LIPC: variants seen among roughly 807,000 people sequenced by gnomAD.
LIPC encodes lipase C, hepatic type, also known as hepatic triacylglycerol lipase.
Under a neutral mutation model 50.7 loss-of-function variants are expected in LIPC, and 44 were observed. That is an observed-to-expected ratio of 0.87 (90% CI 0.68 to 1.11). LIPC has a LOEUF of 1.11. Among genes scored for constraint, LIPC ranks in the 50% most tolerant of loss-of-function variants. LIPC has a pLI of 0.00. For synonymous variants in LIPC, 271 were observed against 256.4 expected, an observed-to-expected ratio of 1.06 and a Z score of -0.54; for missense variants, 697 against 648.2, an observed-to-expected ratio of 1.08 and a Z score of -0.82.
intron 8 of LIPC, among the ~76,000 whole-genome samples, chr15:58,567,264 T>C (rs1304896454): frequency 8.2e-4 from 19 of 23,072 alleles, no homozygotes; most frequent in Non-Finnish European, 1.4e-3. Flanking sequence ...TATATATGTA[T>C]ATGTGTGTGT....
intron 1 of LIPC, among the ~76,000 whole-genome samples, chr15:58,440,912 G>A (rs1893485409): frequency 6.6e-6 from 1 of 152,136 alleles, no homozygotes; most frequent in South Asian, 2.1e-4. Context: ...CCCTGGATGG[G>A]GTACATAAAA....
chr15:58,563,676 C>T lies in LIPC; in HGVS notation c.1341C>T (p.Gly447=), dbSNP rs200353965. 167 of 1,613,820 alleles carry T rather than the reference C, an allele frequency of 1.0e-4. No individual in the cohort carries two copies. Among genetic ancestry groups the T allele is most frequent in the Middle Eastern group, 1.7e-4 (1 of 5,876 alleles). Residue 447 remains glycine, a synonymous_variant, in exon 8 of 9, where the codon GGC becomes GGT. Coordinates refer to ENST00000299022, the MANE Select transcript of LIPC (RefSeq NM_000236.3). ...GGAGCACAGGGCCGCGCCACTCAGGCCTCGTTCTGAAGACGATCAGAGTCA... is the reference window on the plus strand; with the variant it reads ...GGAGCACAGGGCCGCGCCACTCAGGTCTCGTTCTGAAGACGATCAGAGTCA... ...IPWSTGPRHS[G]LVLKTIRVKA...
chr15:58,536,180 G>A (rs146415016), intron 1 of LIPC, among the ~76,000 whole-genome samples: 2 of 152,214 alleles, frequency 1.3e-5, no homozygotes, highest in South Asian at 2.1e-4. Context: ...CCTGGAGGCT[G>A]TGAAGTCTCA....
chr15:58,563,983 C>G (rs1410857097), intron 8 of LIPC: 13 of 503,292 alleles, frequency 2.6e-5, no homozygotes, highest in African/African-American at 7.7e-5. Context: ...GCCTCTGGAG[C>G]CTGAGGACCA....
chr15:58,536,562 A>T (rs536186743), intron 1 of LIPC, among the ~76,000 whole-genome samples: 64 of 152,246 alleles, frequency 4.2e-4, no homozygotes, highest in African/African-American at 8.7e-4. Flanking sequence ...CTGATCGAGA[A>T]GCTGGCATAG....
At chr15:58,530,417 G>A (rs1257859474) in intron 1 of LIPC, among the ~76,000 whole-genome samples, 1 of 152,202 alleles carries the variant, frequency 6.6e-6, no homozygotes, top group Non-Finnish European at 1.5e-5. Context: ...GTCCTCTCAG[G>A]CCTGCAAACC....
intron 5 of LIPC, among the ~76,000 whole-genome samples, chr15:58,547,656 T>G (rs1222126716): frequency 7.0e-6 from 1 of 142,764 alleles, no homozygotes; most frequent in Non-Finnish European, 1.5e-5. Context: ...AAAGGTCAAA[T>G]CCTTAGTAGA....
At chr15:58,531,613 G>A (rs1892961203) in intron 1 of LIPC, among the ~76,000 whole-genome samples, 2 of 39,738 alleles carry the variant, frequency 5.0e-5, no homozygotes, top group African/African-American at 6.9e-5. Flanking sequence ...GTAGTATGGA[G>A]CCAAAATGGA....
chr15:58,561,168 G>A (rs1370289129), intron 7 of LIPC, among the ~76,000 whole-genome samples, 187 bp downstream of exon 7: 2 of 152,170 alleles, frequency 1.3e-5, no homozygotes, highest in African/African-American at 2.4e-5. Flanking sequence ...ACATTACCGT[G>A]ACACAGCCTC....
intron 1 of LIPC, among the ~76,000 whole-genome samples, chr15:58,513,135 A>G (rs1337973335): frequency 1.3e-5 from 2 of 152,198 alleles, no homozygotes; most frequent in East Asian, 1.9e-4. Context: ...GGTTCCGCTC[A>G]GCACAGTCTG....
chr15:58,546,362 A>G (rs1365033282), intron 5 of LIPC, among the ~76,000 whole-genome samples: 1 of 152,168 alleles, frequency 6.6e-6, no homozygotes, highest in African/African-American at 2.4e-5. Flanking sequence ...GACCGCCTCT[A>G]TTCTGAACCA....
At chr15:58,436,446 A>G (rs1299033385) in intron 1 of LIPC, 1 of 246,118 alleles carries the variant, frequency 4.1e-6, no homozygotes, top group East Asian at 1.1e-4. Context: ...CATACGAAAA[A>G]TATTTTTACT....
intron 1 of LIPC, among the ~76,000 whole-genome samples, chr15:58,510,808 C>T (rs1892305789): frequency 6.6e-6 from 1 of 152,208 alleles, no homozygotes; most frequent in Non-Finnish European, 1.5e-5. Flanking sequence ...CTATAATAAA[C>T]AAGTAAGCAA....
intron 1 of LIPC, among the ~76,000 whole-genome samples, chr15:58,439,867 A>C (rs1198229303): frequency 6.6e-6 from 1 of 152,206 alleles, no homozygotes; most frequent in Non-Finnish European, 1.5e-5. Flanking sequence ...TGGGGACCAC[A>C]GAGAACCACT....
intron 1 of LIPC, among the ~76,000 whole-genome samples, chr15:58,470,737 C>G (rs1419430162): frequency 6.6e-6 from 1 of 151,934 alleles, no homozygotes; most frequent in East Asian, 1.9e-4. Context: ...GTAGCTGGGA[C>G]TACAGGTGCC....
chr15:58,491,913 G>A (rs1175909426), intron 1 of LIPC, among the ~76,000 whole-genome samples: 2 of 152,220 alleles, frequency 1.3e-5, no homozygotes, highest in African/African-American at 4.8e-5. Context: ...CAGGCCTGGA[G>A]GCTGGAGGTC....
intron 1 of LIPC, among the ~76,000 whole-genome samples, chr15:58,496,741 C>A (rs1017510739): frequency 1.5e-3 from 25 of 17,080 alleles, no homozygotes; most frequent in Non-Finnish European, 2.7e-3. Flanking sequence ...AGTCTTCCCC[C>A]TCAAAAAAAA....
intron 1 of LIPC, among the ~76,000 whole-genome samples, chr15:58,468,490 G>C (rs1481363063): frequency 1.3e-5 from 2 of 152,150 alleles, no homozygotes; most frequent in South Asian, 2.1e-4. Context: ...GAGAACCAAA[G>C]CTCCATGGAA....
chr15:58,535,210 A>C (rs761737167), intron 1 of LIPC, among the ~76,000 whole-genome samples: 4 of 152,288 alleles, frequency 2.6e-5, no homozygotes, highest in Non-Finnish European at 4.4e-5. Flanking sequence ...GTTGCTTTTC[A>C]AGCTTGCATC....
Sources: gnomAD v4.1 joint callset for allele counts (sites outside exome capture counted in the v4.1 genomes callset) on GRCh38, gnomAD v4.1.1 for gene constraint, MANE v1.5 for transcripts, NCBI Gene and HGNC (gene_info 2026-07-23, HGNC 2026-07-21) for gene names.